The following LIMCH1 variants were observed in gnomAD, a reference collection of about 807,000 sequenced individuals.
The protein encoded by LIMCH1 is LIM and calponin homology domains-containing protein 1.
LIMCH1 carries 113 observed loss-of-function variants against 176.5 expected under a neutral mutation model. The ratio of observed to expected loss-of-function variants is 0.64; its 90% CI spans 0.55 to 0.75. The LOEUF (loss-of-function observed/expected upper bound fraction) is 0.75, where lower values mean the gene tolerates loss of function less well. Ranked by LOEUF, LIMCH1 falls within the 30% of genes least tolerant of loss-of-function variation. The pLI, the probability that LIMCH1 is intolerant of heterozygous loss-of-function variation, is 0.00. For synonymous variants in LIMCH1, 619 were observed against 645.9 expected (o/e 0.96, Z 0.63); for missense variants, 1,674 against 1,814.9 (o/e 0.92, Z 1.41).
chr4:41,477,515 A>C (rs2067930492), intron 1 of LIMCH1, among the ~76,000 whole-genome samples: 1 of 152,200 alleles, frequency 6.6e-6, no homozygotes, highest in South Asian at 2.1e-4. Flanking sequence ...TATTATCATC[A>C]TCATTATTTT....
chr4:41,571,634 TA>T lies in LIMCH1; in HGVS notation c.-240-27282del, dbSNP rs1457432432. Among the ~76,000 whole-genome samples the T allele has an allele frequency of 1.2e-3, 176 of 152,228 alleles. 2 individuals carry two copies. The highest frequency in any genetic ancestry group is 4.4e-5 in the Non-Finnish European group (3 of 68,016). Reference sequence around the variant, plus strand: ...ATGTTCCACTGGGTGATCAACAGGTTAAAAGTTTGGTGTGAGGTCCAAGAAC... The same window carrying T: ...ATGTTCCACTGGGTGATCAACAGGTTAAAGTTTGGTGTGAGGTCCAAGAAC... On this transcript the variant is annotated intron_variant, in intron 1 of 31. Transcript: ENST00000503057.
chr4:41,625,095 C>T (rs887305223), intron 7 of LIMCH1, among the ~76,000 whole-genome samples: 16 of 152,332 alleles, frequency 1.1e-4, no homozygotes, highest in African/African-American at 3.6e-4. Context: ...GAATATAAAG[C>T]CAGACAGCCT....
At chr4:41,492,230 G>A (rs573855128) in intron 1 of LIMCH1, among the ~76,000 whole-genome samples, 10 of 152,264 alleles carry the variant, frequency 6.6e-5, no homozygotes, top group South Asian at 2.1e-4. Context: ...GCGAAACCCC[G>A]TCTCCACCAA....
intron 2 of LIMCH1, among the ~76,000 whole-genome samples, chr4:41,499,137 C>T (rs1354802327): frequency 6.6e-6 from 1 of 152,166 alleles, no homozygotes; most frequent in Non-Finnish European, 1.5e-5. Flanking sequence ...TAACATTTTA[C>T]AAAAGGTTTT....
At chr4:41,665,349 T>C (rs1013639483) in intron 20 of LIMCH1, among the ~76,000 whole-genome samples, 2 of 152,208 alleles carry the variant, frequency 1.3e-5, no homozygotes, top group African/African-American at 4.8e-5. Context: ...GGTTAATGAC[T>C]GGTGGGTTGT....
At chr4:41,443,933 C>T (rs368490367) in intron 1 of LIMCH1, among the ~76,000 whole-genome samples, 1 of 152,136 alleles carries the variant, frequency 6.6e-6, no homozygotes, top group Non-Finnish European at 1.5e-5. Flanking sequence ...ACTTAAAACT[C>T]GTAGACTCAA....
chr4:41,447,755 G>A (rs1342289915), intron 1 of LIMCH1, among the ~76,000 whole-genome samples: 1 of 152,100 alleles, frequency 6.6e-6, no homozygotes, highest in East Asian at 1.9e-4. Context: ...TGACCTTCAC[G>A]AGGGTAATGA....
chr4:41,658,107 C>T (rs747775234), intron 18 of LIMCH1, among the ~76,000 whole-genome samples: 2 of 152,170 alleles, frequency 1.3e-5, no homozygotes, highest in African/African-American at 4.8e-5. Flanking sequence ...TTCCCACCTC[C>T]CCTGCCTTCT....
At chr4:41,536,445 G>A (rs2077959066), upstream of LIMCH1, among the ~76,000 whole-genome samples, 1 of 152,100 alleles carries the variant, frequency 6.6e-6, no homozygotes, top group Non-Finnish European at 1.5e-5. Context: ...TCTGTCCACA[G>A]TATAAAATAC....
At chr4:41,416,663 C>CAAAAAA (rs78666210) in intron 1 of LIMCH1, among the ~76,000 whole-genome samples, 1 of 129,898 alleles carries the variant, frequency 7.7e-6, no homozygotes. Context: ...ATCTCAAAAA[C>CAAAAAA]AAAAAAAAAA....
chr4:41,492,128 A>C (rs1446906439), intron 1 of LIMCH1, among the ~76,000 whole-genome samples: 1 of 152,200 alleles, frequency 6.6e-6, no homozygotes, highest in Non-Finnish European at 1.5e-5. Context: ...GCATTGAGTG[A>C]GCGAGACTCC....
upstream of LIMCH1, chr4:41,360,499 G>A (rs1187070521): frequency 1.2e-4 from 20 of 161,118 alleles, no homozygotes; most frequent in Admixed American, 1.3e-3. The surrounding 1 kb of genome is among the most constrained non-coding windows in gnomAD (Gnocchi z 4.5). Context: ...ACGGGAGGGA[G>A]ACACGCAGCG....
chr4:41,626,490 A>C (rs2152845742), intron 7 of LIMCH1, among the ~76,000 whole-genome samples: 1 of 152,322 alleles, frequency 6.6e-6, no homozygotes. Flanking sequence ...CTGAAAATTA[A>C]ATGAATTTTT....
chr4:41,460,807 G>A (rs560596908), intron 1 of LIMCH1, among the ~76,000 whole-genome samples: 11 of 152,024 alleles, frequency 7.2e-5, no homozygotes, highest in African/African-American at 2.7e-4. Context: ...TGTAGTTGAC[G>A]GATGTTCAGA....
intron 1 of LIMCH1, among the ~76,000 whole-genome samples, chr4:41,561,410 G>A (rs915041914): frequency 3.3e-5 from 5 of 152,134 alleles, no homozygotes; most frequent in African/African-American, 4.8e-5. Context: ...GGGCTTGTTC[G>A]TAAATGATGA....
At chr4:41,408,599 C>A (rs1489564594) in intron 1 of LIMCH1, among the ~76,000 whole-genome samples, 1 of 152,158 alleles carries the variant, frequency 6.6e-6, no homozygotes, top group Non-Finnish European at 1.5e-5. Context: ...CTGGACCCAA[C>A]TGTATAGTGT....
chr4:41,613,193 C>A (rs1554127134), intron 4 of LIMCH1: 1 of 965,724 alleles, frequency 1.0e-6, no homozygotes, highest in Non-Finnish European at 1.5e-6. Flanking sequence ...TTTCTCTACT[C>A]TTTTTTTTTT....
chr4:41,625,634 A>AT (rs1048106419), intron 7 of LIMCH1, among the ~76,000 whole-genome samples: 1 of 152,026 alleles, frequency 6.6e-6, no homozygotes, highest in African/African-American at 2.4e-5. Flanking sequence ...TTTTTTATAT[A>AT]TTTTTTTAAG....
chr4:41,608,444 T>C (rs1447933455), intron 4 of LIMCH1, among the ~76,000 whole-genome samples: 1 of 152,226 alleles, frequency 6.6e-6, no homozygotes, highest in Non-Finnish European at 1.5e-5. Context: ...ACAACTGTAA[T>C]CTCTTCTGCA....
Sources: gnomAD v4.1 joint callset for allele counts (sites outside exome capture counted in the v4.1 genomes callset) on GRCh38, gnomAD v4.1.1 for gene constraint, Gnocchi (gnomAD v3.1) non-coding constraint, MANE v1.5 for transcripts, NCBI Gene and HGNC (gene_info 2026-07-23, HGNC 2026-07-21) for gene names.